The following OTOGL variants were observed in gnomAD, a reference collection of about 807,000 sequenced individuals.
OTOGL encodes the protein otogelin like, also known as otogelin-like protein.
Under a neutral mutation model 318.5 loss-of-function variants are expected in OTOGL, and 285 were observed. The ratio of observed to expected loss-of-function variants is 0.89; its 90% CI spans 0.81 to 0.99. OTOGL has a LOEUF of 0.99. Among genes scored for constraint, OTOGL ranks in the 50% least tolerant of loss-of-function variants. OTOGL has a pLI of 0.00. For missense variants in OTOGL, 2,899 were observed against 2,845.6 expected, an observed-to-expected ratio of 1.02 and a Z score of -0.43; for synonymous variants, 987 against 936.5, an observed-to-expected ratio of 1.05 and a Z score of -0.99.
chr12:80,318,436 A>G, intron 32 of OTOGL, 110 bp from the exon 33 acceptor site: 1 of 730,774 alleles, frequency 1.4e-6, no homozygotes, highest in Non-Finnish European at 1.9e-6. Context: ...ATAAATTTTT[A>G]ATTGCTCAAT....
chr12:80,348,717 C>T (rs1157311350), intron 44 of OTOGL, among the ~76,000 whole-genome samples: 2 of 152,306 alleles, frequency 1.3e-5, no homozygotes, highest in South Asian at 2.1e-4. Context: ...TCTCCAGCCA[C>T]GTCTTGTGCT....
chr12:80,123,206 C>T (rs1355274713), intron 1 of OTOGL, among the ~76,000 whole-genome samples: 3 of 152,044 alleles, frequency 2.0e-5, no homozygotes, highest in Non-Finnish European at 4.4e-5. Context: ...ACAACAGGCC[C>T]CAGTGTGTGA....
At position 80,316,696 on chromosome 12, in the gene OTOGL, G is replaced by A. The variant is rs564869426; in HGVS notation, c.3635-1850G>A. Among the ~76,000 whole-genome samples the A allele has an allele frequency of 7.9e-5, 12 of 152,292 alleles. No individual in the cohort carries two copies. In the East Asian group the frequency reaches 1.3e-3, roughly 17 times the overall value. ...GAAACGCATCAATGTGCCAAGGGGC[G>A]TCAGAATTTGTAAAAGCAATGCAAC... On this transcript the variant is annotated intron_variant, in intron 32 of 58. Coordinates refer to ENST00000547103, the MANE Select transcript of OTOGL (RefSeq NM_001378609.3).
rs150791181 is a variant in OTOGL at position 80,261,818 on chromosome 12, CGTT to C, written c.1890-148_1890-146del. 6.8e-3 allele frequency: 6,212 copies of C among 919,434 alleles called. 295 individuals carry two copies. The African/African-American group carries it at 0.093, about 14-fold the overall frequency. 57.0% of individuals were successfully genotyped at this position (919,434 alleles called of 1,614,324 possible). A position where few individuals can be genotyped will look rare whatever the true frequency, so the allele number is the denominator to read the frequency against. ...ATGTCAGTAATATGGAGCTTAATAT[CGTT>C]GTACTTTTTTTTAAACTGGTAGAAA... On this transcript the variant is annotated intron_variant, in intron 18 of 58. Transcript: ENST00000547103.
intron 52 of OTOGL, among the ~76,000 whole-genome samples, chr12:80,361,421 G>A (rs1890232121): frequency 1.3e-5 from 2 of 149,314 alleles, no homozygotes; most frequent in African/African-American, 4.9e-5. Flanking sequence ...CTTGGCTATT[G>A]TGAATAGTGC....
chr12:80,107,734 T>C (rs570398565), intron 1 of OTOGL, among the ~76,000 whole-genome samples: 2 of 151,866 alleles, frequency 1.3e-5, no homozygotes, highest in Admixed American at 6.6e-5. Flanking sequence ...ATAAAGAAAA[T>C]ATGATACATA....
intron 1 of OTOGL, among the ~76,000 whole-genome samples, chr12:80,151,403 C>G (rs1274440649): frequency 1.3e-5 from 2 of 152,170 alleles, no homozygotes; most frequent in African/African-American, 4.8e-5. Flanking sequence ...CTGCTTCTTT[C>G]TTTCTTAGCA....
rs1870583968 is a variant in OTOGL, at chr12:80,123,067, G to A, written c.-20+23462G>A. 9.3e-5 allele frequency among the ~76,000 whole-genome samples: 14 copies of A among 151,056 alleles called. No homozygotes were observed. In the South Asian group the frequency reaches 2.9e-3, roughly 32 times the overall value. On this transcript the variant is annotated intron_variant, in intron 1 of 58. Transcript: ENST00000547103. The stretch of plus-strand genomic sequence containing the variant: ...TTTTAATTATACTTTAAGTTTTAGG[G>A]TACATGTGCACAACGTGCAGATTTG...
intron 1 of OTOGL, among the ~76,000 whole-genome samples, chr12:80,206,087 C>A (rs967980025): frequency 6.6e-6 from 1 of 152,170 alleles, no homozygotes; most frequent in Admixed American, 6.5e-5. Context: ...AATATCACTT[C>A]ACAAGCTGGT....
chr12:80,250,054 G>A (rs889145831), intron 11 of OTOGL, among the ~76,000 whole-genome samples: 1 of 151,500 alleles, frequency 6.6e-6, no homozygotes, highest in African/African-American at 2.4e-5. Context: ...ACTGACCTGC[G>A]CCCACTGTCT....
intron 29 of OTOGL, among the ~76,000 whole-genome samples, chr12:80,307,599 T>C (rs1471346854): frequency 7.4e-6 from 1 of 134,718 alleles, no homozygotes; most frequent in African/African-American, 2.8e-5. Context: ...ACGGGGCGGC[T>C]GGCTGGGCGG....
chr12:80,220,628 T>TA (rs1406844981), intron 6 of OTOGL, among the ~76,000 whole-genome samples: 5 of 116,884 alleles, frequency 4.3e-5, no homozygotes, highest in East Asian at 4.2e-4. Flanking sequence ...TTTTTTTTTT[T>TA]AAATCTTTTA....
At position 80,270,120 on chromosome 12, in the gene OTOGL, T is replaced by C. The variant is rs778473084; in HGVS notation, c.2484T>C (p.Thr828=). Residue 828 remains threonine, a synonymous_variant, in exon 23 of 59, where the codon ACT becomes ACC. Transcript: ENST00000547103. Reference sequence around the variant, plus strand: ...CTTCTAGCCAGTGTTCAAATGGGACTGTGAAATGTGATGAATTAGCAACGC... The same window carrying C: ...CTTCTAGCCAGTGTTCAAATGGGACCGTGAAATGTGATGAATTAGCAACGC... ...PSGLCQCSNG[T]VKCDELATPS... is the part of the protein sequence containing the mutation. 2.7e-5 allele frequency: 43 copies of C among 1,603,760 alleles called. No homozygotes were observed. The highest frequency in any genetic ancestry group is 3.4e-5 in the Non-Finnish European group (40 of 1,171,444).
intron 1 of OTOGL, among the ~76,000 whole-genome samples, chr12:80,109,836 G>T (rs760787271): frequency 6.6e-6 from 1 of 151,946 alleles, no homozygotes; most frequent in South Asian, 2.1e-4. Flanking sequence ...AATAAGAAAA[G>T]AAATTACAAC....
chr12:80,202,324 G>A (rs1876514926), intron 1 of OTOGL, among the ~76,000 whole-genome samples: 1 of 147,842 alleles, frequency 6.8e-6, no homozygotes, highest in Non-Finnish European at 1.5e-5. Context: ...AGGCTGGAGT[G>A]CAATGGTGTG....
chr12:80,359,252 T>C (rs925797387), intron 52 of OTOGL, among the ~76,000 whole-genome samples: 5 of 152,164 alleles, frequency 3.3e-5, no homozygotes, highest in African/African-American at 9.6e-5. Flanking sequence ...ATGCCTCTGT[T>C]GTAGAGGAGA....
chr12:80,167,935 T>G (rs914184268), intron 1 of OTOGL, among the ~76,000 whole-genome samples: 1 of 152,040 alleles, frequency 6.6e-6, no homozygotes, highest in African/African-American at 2.4e-5. Context: ...TTTTCTTTTT[T>G]CTTTTCTCCT....
chr12:80,294,013 C>A (rs1885219144), intron 26 of OTOGL, among the ~76,000 whole-genome samples: 1 of 151,968 alleles, frequency 6.6e-6, no homozygotes, highest in African/African-American at 2.4e-5. Context: ...GTTTCAGAGT[C>A]ATTTTGGGGC....
At chr12:80,202,987 G>A (rs1330593464) in intron 1 of OTOGL, among the ~76,000 whole-genome samples, 2 of 152,174 alleles carry the variant, frequency 1.3e-5, no homozygotes, top group Non-Finnish European at 2.9e-5. Context: ...CTTTATCCCT[G>A]TGATTTACAT....
Sources: allele counts gnomAD v4.1 joint callset (sites outside exome capture counted in the v4.1 genomes callset), GRCh38; gene constraint gnomAD v4.1.1; transcripts MANE v1.5; gene names NCBI Gene and HGNC (gene_info 2026-07-23, HGNC 2026-07-21).